The following MYO16 variants were observed in gnomAD, a reference collection of about 807,000 sequenced individuals.
The protein encoded by MYO16 is myosin XVI.
Under a neutral mutation model 205.3 loss-of-function variants are expected in MYO16, and 94 were observed. The observed-to-expected ratio is 0.46, with a 90% CI of 0.39 to 0.54. The LOEUF (loss-of-function observed/expected upper bound fraction) is 0.54, where lower values mean the gene tolerates loss of function less well. Among genes scored for constraint, MYO16 ranks in the 20% least tolerant of loss-of-function variants. The probability of loss-of-function intolerance (pLI) is 0.00; values close to 1 mark genes in which losing one functional copy is unlikely to be tolerated. For synonymous variants in MYO16, 988 were observed against 954.0 expected, an observed-to-expected ratio of 1.04 and a Z score of -0.66; for missense variants, 2,315 against 2,387.5, an observed-to-expected ratio of 0.97 and a Z score of 0.63.
chr13:108,534,649 C>T, the MYO16 span, among the ~76,000 whole-genome samples: 1 of 152,014 alleles, frequency 6.6e-6, no homozygotes, highest in African/African-American at 2.4e-5. Flanking sequence ...AAAGAGGAAT[C>T]TCTGCTCTTC....
the MYO16 span, among the ~76,000 whole-genome samples, chr13:108,506,498 G>T: frequency 9.9e-5 from 15 of 151,822 alleles, no homozygotes; most frequent in East Asian, 1.2e-3. Context: ...ACTTCTTTTT[G>T]CATGTCAATT....
chr13:108,722,994 A>G (rs1884218155), intron 3 of MYO16, among the ~76,000 whole-genome samples: 1 of 151,764 alleles, frequency 6.6e-6, no homozygotes, highest in Non-Finnish European at 1.5e-5. Context: ...AATCCTAATA[A>G]TGGTGTCTGC....
chr13:108,692,229 A>T (rs146353214), intron 2 of MYO16, among the ~76,000 whole-genome samples: 99 of 152,322 alleles, frequency 6.5e-4, no homozygotes, highest in Middle Eastern at 6.8e-3. Flanking sequence ...TTAAAGAATG[A>T]TCTTCATCAT....
chr13:108,855,064 C>T (rs1184636662), intron 10 of MYO16, among the ~76,000 whole-genome samples: 3 of 152,148 alleles, frequency 2.0e-5, no homozygotes, highest in Admixed American at 6.5e-5. Flanking sequence ...GGGAACACTA[C>T]GGATATATGA....
chr13:108,719,232 A>G (rs1884066202), intron 3 of MYO16, among the ~76,000 whole-genome samples: 1 of 152,158 alleles, frequency 6.6e-6, no homozygotes, highest in African/African-American at 2.4e-5. Context: ...GCAGACATTC[A>G]CCTTCAAAGC....
intron 21 of MYO16, among the ~76,000 whole-genome samples, chr13:108,997,390 G>A (rs923573353): frequency 1.8e-5 from 1 of 56,222 alleles, no homozygotes. Flanking sequence ...GAGAGAGAGA[G>A]GGAGGGAGGG....
chr13:109,044,972 G>A (rs1835635), intron 23 of MYO16, among the ~76,000 whole-genome samples: 50,725 of 152,064 alleles, frequency 0.33, 9,443 homozygotes, highest in East Asian at 0.82. Flanking sequence ...ACAAGCGTGA[G>A]CCACCGCACT....
chr13:108,714,596 G>GTA (rs1555341108), intron 3 of MYO16, among the ~76,000 whole-genome samples: 1 of 142,156 alleles, frequency 7.0e-6, no homozygotes, highest in East Asian at 2.8e-4. Context: ...GTGTGTCTGT[G>GTA]TGTGTGTGTG....
chr13:108,823,304 T>C, intron 9 of MYO16, 26 bp downstream of exon 9: 3 of 1,577,866 alleles, frequency 1.9e-6, no homozygotes, highest in Non-Finnish European at 2.6e-6. Context: ...CTTATTCTCT[T>C]TTGCCATCTT....
intron 13 of MYO16, among the ~76,000 whole-genome samples, chr13:108,887,324 A>G (rs913061702): frequency 6.6e-6 from 1 of 152,218 alleles, no homozygotes; most frequent in African/African-American, 2.4e-5. Flanking sequence ...CTTTTCTGGC[A>G]AACACTGTTA....
chr13:109,181,135 A>T (rs1879434090), intron 34 of MYO16, among the ~76,000 whole-genome samples: 1 of 152,256 alleles, frequency 6.6e-6, no homozygotes, highest in Admixed American at 6.5e-5. Flanking sequence ...TCAAAGAGAG[A>T]TGAGAAAGGT....
At position 108,631,985 on chromosome 13, in the gene MYO16, G is replaced by C. The variant is rs111407767; in HGVS notation, c.28+2113G>C. ...CCCAGCTACTTGGGAGGTTGAGGCA[G>C]GAGAATTGCTTGAACCCGGGAGGCG... On this transcript the variant is annotated intron_variant, in intron 1 of 34. Coordinates refer to ENST00000457511, the MANE Select transcript of MYO16 (RefSeq NM_001198950.3). 2.0e-4 allele frequency among the ~76,000 whole-genome samples: 30 copies of C among 151,144 alleles called. 2 individuals are homozygous for C. The highest frequency in any genetic ancestry group is 7.0e-4 in the African/African-American group (29 of 41,270).
At chr13:108,557,938 C>G in the MYO16 span, among the ~76,000 whole-genome samples, 3 of 152,074 alleles carry the variant, frequency 2.0e-5, no homozygotes, top group Admixed American at 1.3e-4. Flanking sequence ...GATACACACA[C>G]ATACACATAT....
At chr13:108,975,883 A>G (rs898262921) in intron 20 of MYO16, among the ~76,000 whole-genome samples, 2 of 152,188 alleles carry the variant, frequency 1.3e-5, no homozygotes, top group Non-Finnish European at 2.9e-5. Context: ...GTCATTAACT[A>G]GATGATCTAT....
intron 9 of MYO16, among the ~76,000 whole-genome samples, chr13:108,842,764 A>G (rs1877311916): frequency 6.6e-6 from 1 of 152,164 alleles, no homozygotes; most frequent in Non-Finnish European, 1.5e-5. Context: ...TATTTTATTC[A>G]AAAGAAATGA....
chr13:108,711,339 A>C (rs1883713896), intron 2 of MYO16, among the ~76,000 whole-genome samples: 1 of 152,250 alleles, frequency 6.6e-6, no homozygotes, highest in Non-Finnish European at 1.5e-5. Flanking sequence ...AGGTTATGAA[A>C]ATAATTAAAT....
At chr13:108,949,883 C>T (rs555333844) in intron 16 of MYO16, among the ~76,000 whole-genome samples, 1 of 152,060 alleles carries the variant, frequency 6.6e-6, no homozygotes, top group South Asian at 2.1e-4. Context: ...AATATACTCA[C>T]ACACCAAAAG....
chr13:108,972,172 T>C (rs1884041608), intron 20 of MYO16, among the ~76,000 whole-genome samples: 1 of 121,646 alleles, frequency 8.2e-6, no homozygotes, highest in Admixed American at 8.7e-5. Context: ...ATTGCACCAC[T>C]CCACTCCAGC....
At chr13:108,570,480 C>T in the MYO16 span, among the ~76,000 whole-genome samples, 2 of 152,244 alleles carry the variant, frequency 1.3e-5, no homozygotes, top group South Asian at 4.1e-4. Context: ...AAACTCCTGA[C>T]CTCAAGCATT....
Sources: gnomAD v4.1 joint callset for allele counts (sites outside exome capture counted in the v4.1 genomes callset) on GRCh38, gnomAD v4.1.1 for gene constraint, MANE v1.5 for transcripts, NCBI Gene and HGNC (gene_info 2026-07-23, HGNC 2026-07-21) for gene names.